The following WDR7 variants were observed in gnomAD, a reference collection of about 807,000 sequenced individuals.
WDR7 encodes the protein WD repeat domain 7, also known as WD repeat-containing protein 7.
In WDR7, 46 loss-of-function variants were observed where a neutral mutation model predicts 169.4. The observed-to-expected ratio is 0.27, with a 90% CI of 0.21 to 0.35. The LOEUF (loss-of-function observed/expected upper bound fraction) is 0.35, where lower values mean the gene tolerates loss of function less well. Among genes scored for constraint, WDR7 ranks in the 10% least tolerant of loss-of-function variants. The pLI is 1.00. For synonymous variants in WDR7, 612 were observed against 666.8 expected (o/e 0.92, Z 1.27); for missense variants, 1,534 against 1,859.3 (o/e 0.83, Z 3.22).
At chr18:56,686,576 G>T (rs766050108) in intron 6 of WDR7, among the ~76,000 whole-genome samples, 1 of 152,008 alleles carries the variant, frequency 6.6e-6, no homozygotes, top group African/African-American at 2.4e-5. Flanking sequence ...CAAAAATTAG[G>T]ATTAAGGCAG....
At chr18:56,793,071 A>G (rs1300027048) in intron 19 of WDR7, among the ~76,000 whole-genome samples, 3 of 152,174 alleles carry the variant, frequency 2.0e-5, no homozygotes, top group South Asian at 2.1e-4. Context: ...TCAATTCAGT[A>G]TGTGACTAAA....
intron 19 of WDR7, among the ~76,000 whole-genome samples, chr18:56,804,282 A>T: frequency 6.6e-6 from 1 of 152,226 alleles, no homozygotes; most frequent in Non-Finnish European, 1.5e-5. Flanking sequence ...ACACAATCTC[A>T]AACTCTAAAA....
chr18:56,705,699 A>C (rs907613294), intron 12 of WDR7, among the ~76,000 whole-genome samples: 3 of 152,160 alleles, frequency 2.0e-5, no homozygotes, highest in Admixed American at 2.0e-4. Context: ...TACATACATT[A>C]CTTTGAAAAT....
chr18:56,893,427 A>G (rs536368073), intron 21 of WDR7, among the ~76,000 whole-genome samples: 2 of 152,194 alleles, frequency 1.3e-5, no homozygotes, highest in African/African-American at 4.8e-5. Flanking sequence ...AGAGCTTTTG[A>G]TGGTTCTCTT....
intron 25 of WDR7, among the ~76,000 whole-genome samples, chr18:56,944,889 A>C (rs2047082819): frequency 6.6e-6 from 1 of 152,230 alleles, no homozygotes; most frequent in Admixed American, 6.5e-5. Flanking sequence ...ATGTAAATGT[A>C]AACATTTTTG....
At chr18:56,788,057 T>C (rs114603166) in intron 19 of WDR7, among the ~76,000 whole-genome samples, 297 of 152,268 alleles carry the variant, frequency 2.0e-3, no homozygotes, top group Middle Eastern at 0.01. Flanking sequence ...TTCTGTGAGA[T>C]AGTTGTTTTT....
chr18:57,010,015 AGT>A (rs1488883231), intron 26 of WDR7: 4 of 985,454 alleles, frequency 4.1e-6, no homozygotes, highest in Non-Finnish European at 4.8e-6. Flanking sequence ...CCAGTGAGTT[AGT>A]GTGTACATGT....
chr18:56,888,559 A>G (rs750500668), intron 21 of WDR7, among the ~76,000 whole-genome samples: 2 of 152,168 alleles, frequency 1.3e-5, no homozygotes, highest in Admixed American at 1.3e-4. Flanking sequence ...GTCTTGTTTT[A>G]TATCAGCACA....
intron 25 of WDR7, among the ~76,000 whole-genome samples, chr18:56,949,018 T>A (rs114735147): frequency 0.011 from 1,633 of 152,272 alleles, 18 homozygotes; most frequent in African/African-American, 0.035. Context: ...CCACCTACTG[T>A]CCAGTCCATC....
chr18:56,995,080 A>G (rs2047879262), intron 26 of WDR7, among the ~76,000 whole-genome samples: 1 of 152,234 alleles, frequency 6.6e-6, no homozygotes, highest in South Asian at 2.1e-4. Context: ...CTTCCTTTTG[A>G]AACTCAGACT....
intron 20 of WDR7, among the ~76,000 whole-genome samples, chr18:56,826,076 G>A (rs2045198107): frequency 6.6e-6 from 1 of 152,206 alleles, no homozygotes; most frequent in Non-Finnish European, 1.5e-5. Context: ...CAGGTGGGTG[G>A]TAGAGGGAAG....
intron 27 of WDR7, 30 bp from the exon 28 acceptor site, chr18:57,026,974 A>C: frequency 6.2e-7 from 1 of 1,602,910 alleles, no homozygotes; most frequent in Non-Finnish European, 8.5e-7. Flanking sequence ...GGGCTGTTCA[A>C]GTGACACATG....
chr18:56,928,663 G>C (rs2046839327), intron 22 of WDR7, among the ~76,000 whole-genome samples: 2 of 152,142 alleles, frequency 1.3e-5, no homozygotes, highest in Non-Finnish European at 2.9e-5. Context: ...TCTATTGAAT[G>C]CTTACTACCT....
chr18:56,809,278 T>C (rs1364315809), intron 19 of WDR7, among the ~76,000 whole-genome samples: 1 of 152,180 alleles, frequency 6.6e-6, no homozygotes, highest in Non-Finnish European at 1.5e-5. Flanking sequence ...CTTATTATTC[T>C]TTTTATCATA....
intron 26 of WDR7, among the ~76,000 whole-genome samples, chr18:56,983,263 A>G (rs1281409691): frequency 1.3e-5 from 2 of 152,208 alleles, no homozygotes; most frequent in East Asian, 3.8e-4. Flanking sequence ...AAATACCTTT[A>G]GATTGTTAGT....
At chr18:56,665,001 G>T (rs1357803054) in intron 1 of WDR7, among the ~76,000 whole-genome samples, 1 of 152,062 alleles carries the variant, frequency 6.6e-6, no homozygotes, top group Non-Finnish European at 1.5e-5. Context: ...TAAAACAAAA[G>T]AACTTGGTGT....
intron 20 of WDR7, among the ~76,000 whole-genome samples, chr18:56,851,016 A>G (rs144302102): frequency 0.012 from 1,790 of 152,140 alleles, 13 homozygotes; most frequent in South Asian, 0.019. Context: ...CCTGCAGCCC[A>G]TTCTGTTTAA....
chr18:56,763,537 G>A (rs2044014283), intron 16 of WDR7, among the ~76,000 whole-genome samples: 1 of 152,176 alleles, frequency 6.6e-6, no homozygotes, highest in Admixed American at 6.5e-5. Context: ...TCATGAGGAA[G>A]TTTGGTCTTT....
intron 26 of WDR7, among the ~76,000 whole-genome samples, chr18:57,010,940 C>T (rs536810763): frequency 5.4e-4 from 82 of 152,210 alleles, no homozygotes; most frequent in African/African-American, 1.9e-3. Context: ...ATGATTACAG[C>T]GTTTTTAAGT....
Sources: allele counts gnomAD v4.1 joint callset (sites outside exome capture counted in the v4.1 genomes callset), GRCh38; gene constraint gnomAD v4.1.1; transcripts MANE v1.5; gene names NCBI Gene and HGNC (gene_info 2026-07-23, HGNC 2026-07-21).